MPHOSPH6: variants seen among roughly 807,000 people sequenced by gnomAD.
MPHOSPH6 encodes M-phase phosphoprotein 6.
In MPHOSPH6, 25 loss-of-function variants were observed where a neutral mutation model predicts 21.8. The ratio of observed to expected loss-of-function variants is 1.15; its 90% confidence interval spans 0.83 to 1.60. MPHOSPH6 has a LOEUF of 1.60. Among genes scored for constraint, MPHOSPH6 ranks in the 40% most tolerant of loss-of-function variants. The pLI, the probability that MPHOSPH6 is intolerant of heterozygous loss-of-function variation, is 0.00. For missense variants in MPHOSPH6, 269 were observed against 181.8 expected (o/e 1.48, Z -2.76); for synonymous variants, 84 against 56.5 (o/e 1.49, Z -2.18).
In MPHOSPH6 at chr16:82,170,004, G is replaced by C. The variant is rs1256829966; in HGVS notation, c.51+121C>G. The stretch of plus-strand genomic sequence containing the variant: ...GCGCTAAGTGAATGAATGAGCACGA[G>C]AGCTGGAAGCCCTCTGAGGCCTCTC... On this transcript the variant is annotated intron_variant, in intron 1 of 4. Coordinates refer to ENST00000258169, the MANE Select transcript of MPHOSPH6 (RefSeq NM_005792.2). The C allele has an allele frequency of 8.0e-6, 9 of 1,119,402 alleles. No homozygotes were observed. In the African/African-American group the frequency reaches 9.5e-5, roughly 12 times the overall value. The allele number at this position is 1,119,402 out of a possible 1,614,324, so 69.3% of individuals were successfully genotyped here.
intron 1 of MPHOSPH6, among the ~76,000 whole-genome samples, chr16:82,169,856 T>C (rs1403736980): frequency 2.0e-5 from 3 of 152,202 alleles, no homozygotes; most frequent in Non-Finnish European, 2.9e-5. Flanking sequence ...GCTTCTACCC[T>C]CACTGCACTG....
chr16:82,153,895 G>A (rs548780316), intron 2 of MPHOSPH6, among the ~76,000 whole-genome samples: 4 of 152,196 alleles, frequency 2.6e-5, no homozygotes, highest in South Asian at 4.2e-4. Context: ...AAGCTTCCAC[G>A]GTTACAAGGC....
intron 2 of MPHOSPH6, among the ~76,000 whole-genome samples, chr16:82,161,679 A>C (rs1422129890): frequency 6.6e-6 from 1 of 152,208 alleles, no homozygotes; most frequent in Non-Finnish European, 1.5e-5. Flanking sequence ...AGAAAGAAGG[A>C]TTGGGCAGAG....
chr16:82,157,822 C>A (rs183743938), intron 2 of MPHOSPH6, among the ~76,000 whole-genome samples: 1 of 152,042 alleles, frequency 6.6e-6, no homozygotes. Flanking sequence ...AAGTGGGGGC[C>A]CTGAGAAGGG....
At chr16:82,162,065 C>T (rs1433627808) in intron 2 of MPHOSPH6, 1 of 152,210 alleles carries the variant, frequency 6.6e-6, no homozygotes, top group East Asian at 1.9e-4. Flanking sequence ...AGGAAATACA[C>T]ACAATGGTGA....
chr16:82,164,311 A>T, intron 1 of MPHOSPH6, 117 bp from the exon 2 acceptor site: 2 of 685,360 alleles, frequency 2.9e-6, no homozygotes, highest in South Asian at 3.9e-5. Context: ...ACCCATCTCA[A>T]GATTGAGGGT....
At chr16:82,155,515 T>C (rs1319759878) in intron 2 of MPHOSPH6, among the ~76,000 whole-genome samples, 16 of 152,162 alleles carry the variant, frequency 1.1e-4, no homozygotes. Flanking sequence ...ACCCCATACA[T>C]ACACACAACA....
rs904781704 is a variant in MPHOSPH6 at position 82,170,169 on chromosome 16, C to T, written c.7G>A (p.Ala3Thr). 2.5e-6 allele frequency: 4 copies of T among 1,591,332 alleles called. No individual in the cohort carries two copies. The highest frequency in any genetic ancestry group is 2.7e-5 in the African/African-American group (2 of 73,552). Residue 3 changes from alanine to threonine, a missense_variant, in exon 1 of 5, where the codon GCC becomes ACC. Ala to Thr is a moderately conservative substitution (Grantham distance 58, BLOSUM62 0). Coordinates refer to ENST00000258169, the MANE Select transcript of MPHOSPH6 (RefSeq NM_005792.2). MAAERKTRLSKNL... is the reference protein window; with the variant it reads MATERKTRLSKNL... ...TTGGACAACCTTGTCTTTCGCTCGG[C>T]CGCCATGGTAGCTTCCGCCCAGCGC...
Position 82,165,132 on chromosome 16 carries a change from T to A in MPHOSPH6, c.52-938A>T, listed in dbSNP as rs1042504721. Among the ~76,000 whole-genome samples, 6 of 84,128 alleles carry A rather than the reference T, an allele frequency of 7.1e-5. 1 individual carries two copies. The highest frequency in any genetic ancestry group is 2.2e-4 in the African/African-American group (3 of 13,736). The allele number at this position is 84,128 out of a possible 152,430, so 55.2% of individuals were successfully genotyped here. On this transcript the variant is annotated intron_variant, in intron 1 of 4. Coordinates refer to ENST00000258169, the MANE Select transcript of MPHOSPH6 (RefSeq NM_005792.2). Reference sequence around the variant, plus strand: ...GATATTTCTTTTTTATTTTTTTTTTTATTTTTTTTTTTTGAGACAGAGTCT... The same window carrying A: ...GATATTTCTTTTTTATTTTTTTTTTAATTTTTTTTTTTTGAGACAGAGTCT...
chr16:82,156,665 A>T (rs750070236), intron 2 of MPHOSPH6, among the ~76,000 whole-genome samples: 30 of 152,230 alleles, frequency 2.0e-4, no homozygotes, highest in Non-Finnish European at 4.1e-4. Flanking sequence ...TCATAGAACA[A>T]ACTAGTCTGA....
intron 2 of MPHOSPH6, among the ~76,000 whole-genome samples, chr16:82,156,009 A>T (rs964772365): frequency 3.3e-5 from 5 of 152,224 alleles, no homozygotes; most frequent in Non-Finnish European, 7.3e-5. Context: ...AACCATGGAT[A>T]AAAATGTCAG....
rs762046669 is a variant in MPHOSPH6 at position 82,165,250 on chromosome 16, C to G, written c.52-1056G>C. On this transcript the variant is annotated intron_variant, in intron 1 of 4. Coordinates refer to ENST00000258169, the MANE Select transcript of MPHOSPH6 (RefSeq NM_005792.2). The stretch of plus-strand genomic sequence containing the variant: ...TCAAGAGGTTCTCCTGCCTCAGCTT[C>G]TCGAGTAGCTGAGATTACGCGCCTG... Among the ~76,000 whole-genome samples the G allele has an allele frequency of 4.6e-5, 7 of 150,584 alleles. No homozygotes were observed. In the East Asian group the frequency reaches 5.9e-4, roughly 13 times the overall value.
At chr16:82,162,296 A>G (rs932644245) in intron 2 of MPHOSPH6, 1 of 152,364 alleles carries the variant, frequency 6.6e-6, no homozygotes, top group East Asian at 1.9e-4. Flanking sequence ...TAATCAACCA[A>G]TCCATTCCAT....
chr16:82,169,128 T>A (rs780164033), intron 1 of MPHOSPH6, among the ~76,000 whole-genome samples: 10 of 152,208 alleles, frequency 6.6e-5, no homozygotes, highest in Non-Finnish European at 2.9e-5. Context: ...TATTTGCCAT[T>A]TTCTTGATAC....
intron 2 of MPHOSPH6, among the ~76,000 whole-genome samples, chr16:82,152,787 A>C (rs1372490021): frequency 6.6e-6 from 1 of 152,214 alleles, no homozygotes; most frequent in Non-Finnish European, 1.5e-5. Context: ...CGTAAATCCA[A>C]GGTGACATAT....
At chr16:82,159,769 C>A (rs1348514191) in intron 2 of MPHOSPH6, among the ~76,000 whole-genome samples, 1 of 152,150 alleles carries the variant, frequency 6.6e-6, no homozygotes, top group Non-Finnish European at 1.5e-5. Flanking sequence ...CTGAGAACCA[C>A]TGTGATTTTG....
intron 3 of MPHOSPH6, 136 bp from the exon 4 acceptor site, chr16:82,149,539 T>TAA: frequency 1.4e-6 from 1 of 727,866 alleles, no homozygotes; most frequent in Non-Finnish European, 2.4e-6. Flanking sequence ...GGACTCTCTG[T>TAA]AATACTTGAT....
chr16:82,163,607 C>G (rs900085399), intron 2 of MPHOSPH6, among the ~76,000 whole-genome samples: 2 of 152,192 alleles, frequency 1.3e-5, no homozygotes, highest in African/African-American at 4.8e-5. Context: ...GTTCCTGGTA[C>G]ACACTATAGA....
chr16:82,151,408 C>A lies in MPHOSPH6; in HGVS notation c.255+16G>T. 6.2e-7 allele frequency: 1 copy of A among 1,600,984 alleles called. No individual in the cohort carries two copies. Among genetic ancestry groups the A allele is most frequent in the Non-Finnish European group, 8.5e-7 (1 of 1,176,026 alleles). ...AATTGGAAAAATTTTTAATTTGAAG[C>A]AATTATATTTAATACCTCAACCTCA... On this transcript the variant is annotated intron_variant, in intron 3 of 4. Transcript: ENST00000258169.
Sources: gnomAD v4.1 joint callset for allele counts (sites outside exome capture counted in the v4.1 genomes callset) on GRCh38, gnomAD v4.1.1 for gene constraint, MANE v1.5 for transcripts, NCBI Gene and HGNC (gene_info 2026-07-23, HGNC 2026-07-21) for gene names.